PDE6B: variants seen among roughly 807,000 people sequenced by gnomAD.
The protein encoded by PDE6B is phosphodiesterase 6B, also known as rod cGMP-specific 3',5'-cyclic phosphodiesterase subunit beta.
PDE6B carries 106 observed loss-of-function variants against 109.0 expected under a neutral mutation model. The observed-to-expected ratio is 0.97, with a 90% confidence interval of 0.83 to 1.14. The LOEUF (loss-of-function observed/expected upper bound fraction) is 1.14. Among genes scored for constraint, PDE6B ranks in the 50% most tolerant of loss-of-function variants. PDE6B has a pLI of 0.00. For missense variants in PDE6B, 1,193 were observed against 1,155.6 expected, an observed-to-expected ratio of 1.03 and a Z score of -0.47; for synonymous variants, 490 against 471.3, an observed-to-expected ratio of 1.04 and a Z score of -0.51.
intron 1 of PDE6B, among the ~76,000 whole-genome samples, chr4:627,018 G>A (rs1734140898): frequency 6.6e-6 from 1 of 152,238 alleles, no homozygotes; most frequent in Non-Finnish European, 1.5e-5. Flanking sequence ...GGCTGCAAGA[G>A]GCCCAGGCAG....
chr4:629,027 C>G (rs1214258588), intron 1 of PDE6B, among the ~76,000 whole-genome samples: 1 of 152,216 alleles, frequency 6.6e-6, no homozygotes, highest in African/African-American at 2.4e-5. Flanking sequence ...GCTCAGGAAC[C>G]ACAGGTCCCA....
Position 662,511 on chromosome 4 carries a change from C to T in PDE6B, c.1725C>T (p.Thr575=), listed in dbSNP as rs764517248. 29 of 1,606,436 alleles carry T rather than the reference C, an allele frequency of 1.8e-5. No homozygotes were observed. In the East Asian group the frequency reaches 2.0e-4, roughly 11 times the overall value. ...GCAAGGTGGCCCTGTCTCTACAGAC[C>T]GGCAAACTGAAGAGCTACTACACGG... is the stretch of plus-strand genomic sequence containing the variant. ...VAQTMFTLLM[T]GKLKSYYTDL... is the part of the protein sequence containing the mutation. The change falls in exon 14 of 22, where the codon ACC becomes ACT. Residue 575 remains threonine, a splice_region_variant and synonymous_variant. Coordinates refer to ENST00000496514, the MANE Select transcript of PDE6B (RefSeq NM_000283.4). This position sits in a 1 kb window ranked among gnomAD's most constrained non-coding sequence, Gnocchi z 4.3.
chr4:668,516 CTAG>C (rs1366895597), intron 21 of PDE6B, among the ~76,000 whole-genome samples: 6 of 135,802 alleles, frequency 4.4e-5, no homozygotes, highest in African/African-American at 1.8e-4. Flanking sequence ...CTACCCCATG[CTAG>C]TACCACTACC....
At chr4:657,318 G>C in intron 9 of PDE6B, 33 bp from the exon 10 acceptor site, 1 of 1,611,806 alleles carries the variant, frequency 6.2e-7, no homozygotes, top group Non-Finnish European at 8.5e-7. Flanking sequence ...CGCCGGGAGC[G>C]CTGAGCGCCA....
intron 3 of PDE6B, among the ~76,000 whole-genome samples, chr4:637,346 G>A (rs1282559333): frequency 6.6e-6 from 1 of 151,752 alleles, no homozygotes; most frequent in Non-Finnish European, 1.5e-5. Context: ...TCAGCCTCCC[G>A]AGTAGCTGGG....
intron 3 of PDE6B, among the ~76,000 whole-genome samples, chr4:649,772 C>T (rs543754410): frequency 3.3e-5 from 5 of 152,318 alleles, no homozygotes; most frequent in African/African-American, 1.2e-4. Flanking sequence ...TCTGGCCCTA[C>T]TCCACTGGCT....
Position 628,196 on chromosome 4 carries a change from A to AGTGCATC in PDE6B, c.468+2103_468+2104insTGCATCG, listed in dbSNP as rs543182370. ...AAGTGCAAATCCTCATGAAGTGCAA[A>AGTGCATC]GCCTCATGAAGTGCATCTCAGCACC... On this transcript the variant is annotated intron_variant, in intron 1 of 21. Coordinates refer to ENST00000496514, the MANE Select transcript of PDE6B (RefSeq NM_000283.4). 5.3e-4 allele frequency among the ~76,000 whole-genome samples: 80 copies of AGTGCATC among 152,058 alleles called. 1 individual carries two copies. Among genetic ancestry groups the AGTGCATC allele is most frequent in the African/African-American group, 1.8e-3 (76 of 41,528 alleles).
chr4:667,915 GA>G lies in PDE6B; in HGVS notation c.2415del (p.Glu806SerfsTer13). ...TGTTCGACCGACTGCAGAACAATAGGAAAGAGTGGAAGGCGCTGGCTGATGA... is the reference window on the plus strand; with the variant it reads ...TGTTCGACCGACTGCAGAACAATAGGAAGAGTGGAAGGCGCTGGCTGATGA... ...PMFDRLQNNR[K>X]EWKALADEYE... is the part of the protein sequence containing the mutation. On this transcript the variant is annotated frameshift_variant, in exon 21 of 22. Coordinates refer to ENST00000496514, the MANE Select transcript of PDE6B (RefSeq NM_000283.4). LOFTEE classifies it high-confidence loss of function. The G allele has an allele frequency of 1.2e-6, 2 of 1,613,632 alleles. No homozygotes were observed. Among genetic ancestry groups the G allele is most frequent in the Non-Finnish European group, 1.7e-6 (2 of 1,179,766 alleles).
chr4:658,027 C>G (rs1458465860), intron 10 of PDE6B, among the ~76,000 whole-genome samples: 1 of 139,878 alleles, frequency 7.1e-6, no homozygotes, highest in African/African-American at 2.7e-5. Flanking sequence ...GGGGGCAGGT[C>G]ATCCAGGGGT....
Position 663,189 on chromosome 4 carries a change from T to G in PDE6B, c.1920+2T>G. 6.5e-7 allele frequency: 1 copy of G among 1,546,772 alleles called. No homozygotes were observed. The highest frequency in any genetic ancestry group is 2.2e-5 in the East Asian group (1 of 44,522). On this transcript the variant is annotated splice_donor_variant, in intron 15 of 21. Transcript: ENST00000496514. LOFTEE classifies it high-confidence loss of function. The surrounding 1 kb of genome is among the most constrained non-coding windows in gnomAD (Gnocchi z 4.0). ...GGGAAGTTCCTGCTCTCGGAGGAGG[T>G]TGGTATACTCACCCTCGGTTTCTGC...
At chr4:656,535 CG>C (rs1316335606) in intron 8 of PDE6B, among the ~76,000 whole-genome samples, 1 of 151,478 alleles carries the variant, frequency 6.6e-6, no homozygotes, top group Non-Finnish European at 1.5e-5. Context: ...CCTGCGAGGC[CG>C]TGACCGCGGC....
chr4:634,448 G>A (rs962805546), intron 1 of PDE6B, among the ~76,000 whole-genome samples: 2 of 152,162 alleles, frequency 1.3e-5, no homozygotes, highest in Non-Finnish European at 1.5e-5. Flanking sequence ...ACTGAGCACT[G>A]GGGGGCACCA....
chr4:630,868 G>A (rs114601519), intron 1 of PDE6B, among the ~76,000 whole-genome samples: 3,731 of 152,312 alleles, frequency 0.024, 66 homozygotes, highest in Non-Finnish European at 0.033. Flanking sequence ...TGGGACCAAG[G>A]GTGTATCTGG....
chr4:668,719 T>C, intron 21 of PDE6B, among the ~76,000 whole-genome samples: 1 of 94,010 alleles, frequency 1.1e-5, no homozygotes, highest in African/African-American at 5.4e-5. Flanking sequence ...CCCTACCCCA[T>C]GCTATTCCTG....
Position 662,996 on chromosome 4 carries a change from C to G in PDE6B, c.1833-104C>G, listed in dbSNP as rs1034638955. The G allele has an allele frequency of 1.3e-5, 10 of 759,150 alleles. No individual in the cohort carries two copies. Among genetic ancestry groups the G allele is most frequent in the African/African-American group, 1.2e-4 (7 of 58,256 alleles). The allele number at this position is 759,150 out of a possible 1,614,324, so 47.0% of individuals were successfully genotyped here. On this transcript the variant is annotated intron_variant, in intron 14 of 21. Coordinates refer to ENST00000496514, the MANE Select transcript of PDE6B (RefSeq NM_000283.4). The surrounding 1 kb of genome is among the most constrained non-coding windows in gnomAD (Gnocchi z 4.3). Reference sequence around the variant, plus strand: ...CCAGAGTGGGTGACAGAGGCAGACCCTGTCTCAAAAAAAAGAAAGTGGGGC... The same window carrying G: ...CCAGAGTGGGTGACAGAGGCAGACCGTGTCTCAAAAAAAAGAAAGTGGGGC...
chr4:644,782 G>A (rs748842737), intron 3 of PDE6B, among the ~76,000 whole-genome samples: 2 of 151,918 alleles, frequency 1.3e-5, no homozygotes, highest in Non-Finnish European at 2.9e-5. Flanking sequence ...CGCCCACCTC[G>A]GCCTCCCAAA....
At chr4:650,542 C>T (rs1016604380) in intron 3 of PDE6B, among the ~76,000 whole-genome samples, 3 of 152,204 alleles carry the variant, frequency 2.0e-5, no homozygotes, top group African/African-American at 4.8e-5. Context: ...CCCAGGAAGG[C>T]CCCAAGCGTG....
intron 6 of PDE6B, 151 bp downstream of exon 6, chr4:655,039 G>T: frequency 1.5e-6 from 1 of 671,396 alleles, no homozygotes. Flanking sequence ...TCTGTGTGCC[G>T]TGGGGCATAG....
In PDE6B at chr4:651,065, G is replaced by A. The variant is rs1476829448; in HGVS notation, c.712-2787G>A. On this transcript the variant is annotated intron_variant, in intron 3 of 21. Transcript: ENST00000496514. Reference sequence around the variant, plus strand: ...CACAGGCAGGACGGGCTGAGGCGGCGATGTCAACGGCAGTGGGGCTGTCAC... The same window carrying A: ...CACAGGCAGGACGGGCTGAGGCGGCAATGTCAACGGCAGTGGGGCTGTCAC... Among the ~76,000 whole-genome samples the A allele has an allele frequency of 2.6e-5, 4 of 151,774 alleles. No individual in the cohort carries two copies. The East Asian group carries it at 5.8e-4, about 22-fold the overall frequency.
Sources: gnomAD v4.1 joint callset for allele counts (sites outside exome capture counted in the v4.1 genomes callset) on GRCh38, gnomAD v4.1.1 for gene constraint, Gnocchi (gnomAD v3.1) non-coding constraint, MANE v1.5 for transcripts, NCBI Gene and HGNC (gene_info 2026-07-23, HGNC 2026-07-21) for gene names.